CCDC171: variants seen among roughly 807,000 people sequenced by gnomAD.
CCDC171 encodes the protein coiled-coil domain containing 171.
A neutral mutation model predicts 168.2 loss-of-function variants in CCDC171; 177 were observed. The observed-to-expected ratio is 1.05, with a 90% CI of 0.93 to 1.19. The LOEUF is 1.19. Among genes scored for constraint, CCDC171 ranks in the 50% most tolerant of loss-of-function variants. The pLI, the probability that CCDC171 is intolerant of heterozygous loss-of-function variation, is 0.00. For missense variants in CCDC171, 1,991 were observed against 1,539.0 expected (o/e 1.29, Z -4.91); for synonymous variants, 687 against 540.8 (o/e 1.27, Z -3.75).
chr9:16,090,240 A>G, the CCDC171 span, among the ~76,000 whole-genome samples: 2 of 152,236 alleles, frequency 1.3e-5, no homozygotes, highest in Admixed American at 6.5e-5. Context: ...TGAAGCAGCC[A>G]TATAAAAGGA....
At chr9:15,748,813 C>T (rs542544500) in intron 18 of CCDC171, among the ~76,000 whole-genome samples, 111 of 152,218 alleles carry the variant, frequency 7.3e-4, no homozygotes, top group African/African-American at 2.5e-3. Context: ...TACAAGAGCT[C>T]CTGAAGGAAG....
rs1050862480 is a variant in CCDC171 at position 15,816,070 on chromosome 9, G to A, written c.3268-30632G>A. Among the ~76,000 whole-genome samples the A allele has an allele frequency of 1.8e-4, 21 of 117,252 alleles. 5 individuals carry two copies. The highest frequency in any genetic ancestry group is 6.0e-4 in the African/African-American group (19 of 31,520). 76.9% of individuals were successfully genotyped at this position (117,252 alleles called of 152,430 possible). On this transcript the variant is annotated intron_variant, in intron 21 of 25. Coordinates refer to ENST00000380701, the MANE Select transcript of CCDC171 (RefSeq NM_173550.4). Reference sequence around the variant, plus strand: ...ATATGTAATAATGTAAAACATTCACGTTTTGTGTTTATTATGATGTCCTAT... The same window carrying A: ...ATATGTAATAATGTAAAACATTCACATTTTGTGTTTATTATGATGTCCTAT...
At position 15,964,856 on chromosome 9, in the gene CCDC171, G is replaced by A. The variant is rs547502968; in HGVS notation, c.3754-6753G>A. Among the ~76,000 whole-genome samples the A allele has an allele frequency of 2.0e-3, 300 of 152,300 alleles. 3 individuals carry two copies. Among genetic ancestry groups the A allele is most frequent in the Middle Eastern group, 0.01 (3 of 294 alleles). On this transcript the variant is annotated intron_variant, in intron 25 of 25. Coordinates refer to ENST00000380701, the MANE Select transcript of CCDC171 (RefSeq NM_173550.4). ...GCTCACTGCAACCTCTGCCTCCTGG[G>A]TTCGAGCGATTCTCCTGCCTCAGCC...
At chr9:15,720,078 T>C (rs986301915) in intron 11 of CCDC171, among the ~76,000 whole-genome samples, 6 of 152,166 alleles carry the variant, frequency 3.9e-5, no homozygotes, top group Non-Finnish European at 7.4e-5. Context: ...TTAAGTTAAA[T>C]GTTCCTCTTC....
chr9:16,041,819 C>T (rs780845719), upstream of CCDC171, among the ~76,000 whole-genome samples: 1 of 152,072 alleles, frequency 6.6e-6, no homozygotes, highest in African/African-American at 2.4e-5. Context: ...AGTTGAATGA[C>T]CAACCTTCAT....
chr9:15,623,475 G>GCGCGCACGCACACACACACACACA, intron 7 of CCDC171, 62 bp downstream of exon 7: 4 of 315,440 alleles, frequency 1.3e-5, no homozygotes, highest in African/African-American at 9.4e-5. Flanking sequence ...GCGCGCGCGC[G>GCGCGCACGCACACACACACACACA]CACACACACA....
At chr9:15,633,490 G>T (rs1031115928) in intron 7 of CCDC171, among the ~76,000 whole-genome samples, 80 of 152,256 alleles carry the variant, frequency 5.3e-4, no homozygotes, top group African/African-American at 1.7e-3. Context: ...TCTCACACCA[G>T]TTAGAATGGC....
chr9:15,615,933 A>G (rs1355918523), intron 6 of CCDC171, among the ~76,000 whole-genome samples: 1 of 151,862 alleles, frequency 6.6e-6, no homozygotes, highest in East Asian at 1.9e-4. Flanking sequence ...ATGCGCCACA[A>G]CGCCAGCTAA....
intron 18 of CCDC171, among the ~76,000 whole-genome samples, chr9:15,756,332 T>A (rs1203493051): frequency 6.6e-6 from 1 of 152,114 alleles, no homozygotes; most frequent in Non-Finnish European, 1.5e-5. Context: ...ACAAAAAATA[T>A]TTTTCTATCA....
At chr9:15,824,423 G>A (rs569465141) in intron 21 of CCDC171, among the ~76,000 whole-genome samples, 2 of 151,982 alleles carry the variant, frequency 1.3e-5, no homozygotes, top group African/African-American at 4.8e-5. Context: ...TGTGTTTTGG[G>A]TGTGGTTTTT....
At chr9:16,014,406 C>G (rs1832956829) in intron 3 of CCDC171, among the ~76,000 whole-genome samples, 1 of 152,164 alleles carries the variant, frequency 6.6e-6, no homozygotes, top group African/African-American at 2.4e-5. Flanking sequence ...CAAAGTCATG[C>G]ATGAATATTG....
the CCDC171 span, among the ~76,000 whole-genome samples, chr9:16,087,901 C>T: frequency 6.6e-6 from 1 of 151,890 alleles, no homozygotes; most frequent in East Asian, 1.9e-4. Context: ...GACAAAATCT[C>T]TCAGCATTTG....
chr9:15,575,070 A>C lies in CCDC171; in HGVS notation c.177+3311A>C, dbSNP rs1053854617. On this transcript the variant is annotated intron_variant, in intron 3 of 25. Coordinates refer to ENST00000380701, the MANE Select transcript of CCDC171 (RefSeq NM_173550.4). ...ACAAGAAGACCGTGAGGCTATTCAG[A>C]TATCTCATTGGCCCAGATAGTGATA... is the stretch of plus-strand genomic sequence containing the variant. Among the ~76,000 whole-genome samples, 10 of 151,892 alleles carry C rather than the reference A, an allele frequency of 6.6e-5. 1 individual carries two copies. Among genetic ancestry groups the C allele is most frequent in the Admixed American group, 6.6e-4 (10 of 15,244 alleles).
chr9:16,100,090 A>G, the CCDC171 span, among the ~76,000 whole-genome samples: 2 of 152,158 alleles, frequency 1.3e-5, no homozygotes, highest in African/African-American at 4.8e-5. Flanking sequence ...CTTTCAATAA[A>G]TCAGAAAACA....
At chr9:15,945,544 G>GT (rs1828249926) in intron 25 of CCDC171, among the ~76,000 whole-genome samples, 1 of 142,468 alleles carries the variant, frequency 7.0e-6, no homozygotes, top group Non-Finnish European at 1.5e-5. Context: ...AGCACCTGTT[G>GT]TTTCCTGACT....
intron 7 of CCDC171, among the ~76,000 whole-genome samples, chr9:15,632,392 G>A (rs1287477328): frequency 1.3e-5 from 2 of 151,804 alleles, no homozygotes; most frequent in South Asian, 2.1e-4. Context: ...CAAACAGAGA[G>A]CCAAATAATG....
intron 18 of CCDC171, among the ~76,000 whole-genome samples, chr9:15,768,876 C>G (rs568146935): frequency 3.9e-5 from 6 of 152,288 alleles, no homozygotes; most frequent in African/African-American, 1.4e-4. Flanking sequence ...TCCGCAGTAT[C>G]AGCAGCAATA....
intron 18 of CCDC171, among the ~76,000 whole-genome samples, chr9:15,755,197 G>A (rs7870244): frequency 0.074 from 11,254 of 152,134 alleles, 1,023 homozygotes; most frequent in African/African-American, 0.21. Context: ...CTTCTCTGCT[G>A]TCCTTAACGT....
At chr9:15,647,186 A>T (rs2047112193) in intron 7 of CCDC171, among the ~76,000 whole-genome samples, 1 of 152,202 alleles carries the variant, frequency 6.6e-6, no homozygotes, top group African/African-American at 2.4e-5. Flanking sequence ...AGAAATAAAG[A>T]TGTTCTTTGA....
Sources: allele counts gnomAD v4.1 joint callset (sites outside exome capture counted in the v4.1 genomes callset), GRCh38; gene constraint gnomAD v4.1.1; transcripts MANE v1.5; gene names NCBI Gene and HGNC (gene_info 2026-07-23, HGNC 2026-07-21).